Variants in SLC25A13 observed in about 807,000 individuals in gnomAD.
The protein encoded by SLC25A13 is electrogenic aspartate/glutamate antiporter SLC25A13, mitochondrial.
In SLC25A13, 70 loss-of-function variants were observed where a neutral mutation model predicts 85.5. The ratio of observed to expected loss-of-function variants is 0.82; its 90% confidence interval spans 0.68 to 1.00. The LOEUF (loss-of-function observed/expected upper bound fraction) is 1.00, where lower values mean the gene tolerates loss of function less well. Among genes scored for constraint, SLC25A13 ranks in the 50% least tolerant of loss-of-function variants. The probability of loss-of-function intolerance (pLI) is 0.00; values close to 1 mark genes in which losing one functional copy is unlikely to be tolerated. For missense variants in SLC25A13, 765 were observed against 819.8 expected, an observed-to-expected ratio of 0.93 and a Z score of 0.82; for synonymous variants, 259 against 288.7, an observed-to-expected ratio of 0.90 and a Z score of 1.04.
At chr7:96,182,102 G>C (rs1029521460) in intron 11 of SLC25A13, among the ~76,000 whole-genome samples, 12 of 152,094 alleles carry the variant, frequency 7.9e-5, no homozygotes, top group African/African-American at 2.9e-4. Flanking sequence ...CAAATATGCA[G>C]TTATATACAA....
chr7:96,178,943 G>T (rs1339200584), intron 11 of SLC25A13, among the ~76,000 whole-genome samples: 2 of 152,194 alleles, frequency 1.3e-5, no homozygotes, highest in African/African-American at 4.8e-5. Flanking sequence ...AGTGGAGCTG[G>T]GGAAATAGCC....
intron 5 of SLC25A13, among the ~76,000 whole-genome samples, chr7:96,201,413 G>A (rs889153478): frequency 1.3e-5 from 2 of 151,600 alleles, no homozygotes; most frequent in Middle Eastern, 3.4e-3. Context: ...TCCAGAGGCT[G>A]AGGCAGGAGA....
intron 9 of SLC25A13, among the ~76,000 whole-genome samples, chr7:96,186,098 TA>T (rs1794633673): frequency 6.6e-6 from 1 of 152,070 alleles, no homozygotes; most frequent in Admixed American, 6.6e-5. Context: ...AGATGTTTAG[TA>T]ATATACACCC....
At chr7:96,275,513 A>C (rs1798414179) in intron 3 of SLC25A13, among the ~76,000 whole-genome samples, 2 of 152,248 alleles carry the variant, frequency 1.3e-5, no homozygotes, top group Admixed American at 6.5e-5. Context: ...AGACTGGATT[A>C]AGAAAATGTG....
In SLC25A13 at chr7:96,240,962, G is replaced by A. The variant is rs1038550629; in HGVS notation, c.213-6045C>T. 4.8e-5 allele frequency among the ~76,000 whole-genome samples: 5 copies of A among 104,788 alleles called. 1 individual carries two copies. Among genetic ancestry groups the A allele is most frequent in the Non-Finnish European group, 5.5e-5 (3 of 54,574 alleles). The allele number at this position is 104,788 out of a possible 152,430, so 68.7% of individuals were successfully genotyped here. A position where few individuals can be genotyped will look rare whatever the true frequency, so the allele number is the denominator to read the frequency against. ...ATGGCAGAATCCAGGGAAGAGCTAC[G>A]AAAGCCGAAAGGAGAGGAGAGGGGA... On this transcript the variant is annotated intron_variant, in intron 3 of 17. Coordinates refer to ENST00000265631, the MANE Select transcript of SLC25A13 (RefSeq NM_014251.3).
chr7:96,141,212 G>A (rs1231135288), intron 14 of SLC25A13, among the ~76,000 whole-genome samples: 1 of 151,840 alleles, frequency 6.6e-6, no homozygotes, highest in East Asian at 1.9e-4. Context: ...TATTTTTGGA[G>A]GGATGGTGTC....
intron 13 of SLC25A13, among the ~76,000 whole-genome samples, chr7:96,161,366 T>C (rs1793501296): frequency 6.6e-6 from 1 of 152,190 alleles, no homozygotes; most frequent in Non-Finnish European, 1.5e-5. Flanking sequence ...CACTAATTTT[T>C]GGAGTTAATT....
At chr7:96,271,683 T>G (rs1798242940) in intron 3 of SLC25A13, among the ~76,000 whole-genome samples, 1 of 152,112 alleles carries the variant, frequency 6.6e-6, no homozygotes, top group Non-Finnish European at 1.5e-5. Context: ...CACAAGCTTT[T>G]GAGAAAATAC....
At chr7:96,179,842 T>C (rs528658334) in intron 11 of SLC25A13, among the ~76,000 whole-genome samples, 2 of 152,224 alleles carry the variant, frequency 1.3e-5, no homozygotes, top group Non-Finnish European at 2.9e-5. Context: ...ATTTCAATCA[T>C]TTTATTTTGG....
chr7:96,318,217 A>G (rs1800201389), intron 1 of SLC25A13, among the ~76,000 whole-genome samples: 1 of 152,162 alleles, frequency 6.6e-6, no homozygotes, highest in Non-Finnish European at 1.5e-5. Flanking sequence ...ACAGGTCTGA[A>G]CTCAAGGGAG....
intron 1 of SLC25A13, among the ~76,000 whole-genome samples, chr7:96,314,059 T>C (rs1800043112): frequency 6.6e-6 from 1 of 150,378 alleles, no homozygotes; most frequent in African/African-American, 2.5e-5. Context: ...TAAAAATATA[T>C]CTTTGCTGGG....
At chr7:96,287,687 T>C (rs747618110) in intron 2 of SLC25A13, among the ~76,000 whole-genome samples, 1 of 152,178 alleles carries the variant, frequency 6.6e-6, no homozygotes, top group Non-Finnish European at 1.5e-5. Context: ...AGTGGAGTCT[T>C]ATCAATGGAT....
At chr7:96,125,094 TC>T (rs1382961053) in intron 15 of SLC25A13, among the ~76,000 whole-genome samples, 1 of 152,052 alleles carries the variant, frequency 6.6e-6, no homozygotes, top group Non-Finnish European at 1.5e-5. Flanking sequence ...CCTTCTTAAT[TC>T]ACTTTTTTTT....
intron 14 of SLC25A13, among the ~76,000 whole-genome samples, chr7:96,140,672 G>T (rs1440004790): frequency 6.6e-6 from 1 of 151,782 alleles, no homozygotes; most frequent in Non-Finnish European, 1.5e-5. Flanking sequence ...CACAGTGCTG[G>T]GATTACAGGC....
At chr7:96,205,150 C>T (rs531930697) in intron 5 of SLC25A13, among the ~76,000 whole-genome samples, 1 of 152,296 alleles carries the variant, frequency 6.6e-6, no homozygotes, top group South Asian at 2.1e-4. Context: ...CCTCATGATC[C>T]ACCCGCCTCG....
chr7:96,146,739 G>A (rs1286011563), intron 13 of SLC25A13, 43 bp from the exon 14 acceptor site: 4 of 1,607,002 alleles, frequency 2.5e-6, no homozygotes, highest in Middle Eastern at 3.3e-4. Flanking sequence ...CAAAGAAATG[G>A]TAAGGTGGGT....
chr7:96,296,853 GA>G, intron 2 of SLC25A13, 44 bp downstream of exon 2: 1 of 1,514,922 alleles, frequency 6.6e-7, no homozygotes, highest in African/African-American at 1.4e-5. Context: ...AAAAGTTATA[GA>G]ACACAAATCA....
chr7:96,297,347 T>A (rs1337989833), intron 1 of SLC25A13, among the ~76,000 whole-genome samples: 1 of 152,118 alleles, frequency 6.6e-6, no homozygotes, highest in Admixed American at 6.6e-5. Flanking sequence ...TTCTTTTTTT[T>A]TTTTCTGAGA....
intron 4 of SLC25A13, among the ~76,000 whole-genome samples, chr7:96,224,709 G>GA (rs752397387): frequency 3.3e-5 from 5 of 152,054 alleles, no homozygotes; most frequent in Non-Finnish European, 5.9e-5. Flanking sequence ...CCACCATAGT[G>GA]AAAAAAAATC....
Sources: gnomAD v4.1 joint callset for allele counts (sites outside exome capture counted in the v4.1 genomes callset) on GRCh38, gnomAD v4.1.1 for gene constraint, MANE v1.5 for transcripts, NCBI Gene and HGNC (gene_info 2026-07-23, HGNC 2026-07-21) for gene names.